Variants in CPAP observed in about 807,000 individuals in gnomAD.
The protein encoded by CPAP is centrosome assembly and centriole elongation protein, also known as centrosomal P4.1-associated protein.
At chr13:24,917,142 CG>C in the CPAP span, among the ~76,000 whole-genome samples, 1 of 151,900 alleles carries the variant, frequency 6.6e-6, no homozygotes, top group African/African-American at 2.4e-5. Context: ...CCCAGCTACT[CG>C]GGGAGGCTGA....
At chr13:24,907,342 C>T in the CPAP span, 1 of 667,208 alleles carries the variant, frequency 1.5e-6, no homozygotes, top group South Asian at 1.7e-5. Flanking sequence ...ACAAAAGCCA[C>T]AATCCCTCTC....
At chr13:24,885,748 G>A in the CPAP span, 4 of 1,008,168 alleles carry the variant, frequency 4.0e-6, no homozygotes, top group Admixed American at 3.5e-5. Context: ...CATTTCCTTA[G>A]TTCATATCCT....
At chr13:24,911,974 G>A in the CPAP span, 2 of 1,614,108 alleles carry the variant, frequency 1.2e-6, no homozygotes, top group Non-Finnish European at 8.5e-7. Flanking sequence ...CAGACACCAT[G>A]GTGAGCAGCT....
the CPAP span, chr13:24,886,360 G>T: frequency 7.8e-7 from 1 of 1,289,224 alleles, no homozygotes; most frequent in Non-Finnish European, 1.0e-6. Flanking sequence ...ACAAGCTGCT[G>T]GGCGTGTGAG....
the CPAP span, among the ~76,000 whole-genome samples, chr13:24,923,245 T>TA: frequency 5.0e-5 from 3 of 60,510 alleles, no homozygotes; most frequent in Admixed American, 1.3e-4. Context: ...TTGGGTTTTG[T>TA]TTTTTTTTTT....
chr13:24,882,684 A>C, the CPAP span: 2 of 157,184 alleles, frequency 1.3e-5, no homozygotes, highest in East Asian at 3.7e-4. Flanking sequence ...GTAACTTCCC[A>C]TTCTGTTATA....
chr13:24,897,156 C>T, the CPAP span, among the ~76,000 whole-genome samples: 1 of 152,244 alleles, frequency 6.6e-6, no homozygotes, highest in African/African-American at 2.4e-5. Context: ...GCAGGAGAAT[C>T]GCTTGAATCT....
the CPAP span, chr13:24,882,911 C>A: frequency 2.2e-6 from 1 of 450,352 alleles, no homozygotes; most frequent in South Asian, 2.3e-5. Context: ...ATAAACACAC[C>A]CACTTACTGT....
chr13:24,913,663 A>C, the CPAP span, among the ~76,000 whole-genome samples: 3 of 152,300 alleles, frequency 2.0e-5, no homozygotes, highest in South Asian at 4.1e-4. Context: ...CACTCATCTC[A>C]TTATTAGTGG....
At chr13:24,906,463 T>G in the CPAP span, 1 of 1,614,224 alleles carries the variant, frequency 6.2e-7, no homozygotes, top group Non-Finnish European at 8.5e-7. Flanking sequence ...AAAGAGGAAG[T>G]CTGTCTTTAC....
At chr13:24,885,345 T>G in the CPAP span, 1 of 1,614,054 alleles carries the variant, frequency 6.2e-7, no homozygotes, top group Non-Finnish European at 8.5e-7. Flanking sequence ...ATTCAGGATC[T>G]GGGAAGTTCA....
the CPAP span, chr13:24,884,143 G>T: frequency 6.2e-7 from 1 of 1,613,210 alleles, no homozygotes; most frequent in Admixed American, 1.7e-5. Context: ...TTAATGAGAG[G>T]GTGGAGCAAG....
the CPAP span, among the ~76,000 whole-genome samples, chr13:24,911,222 T>C: frequency 6.6e-6 from 1 of 152,188 alleles, no homozygotes; most frequent in Non-Finnish European, 1.5e-5. Flanking sequence ...TGACATGAAA[T>C]TGCTTTGTCA....
At chr13:24,886,200 C>T in the CPAP span, 2 of 705,618 alleles carry the variant, frequency 2.8e-6, no homozygotes, top group Non-Finnish European at 4.4e-6. Context: ...TATTTTCATC[C>T]TATGTGCCAA....
chr13:24,883,663 A>T, the CPAP span, among the ~76,000 whole-genome samples: 2 of 152,194 alleles, frequency 1.3e-5, no homozygotes, highest in African/African-American at 4.8e-5. Context: ...TTCTTTCACT[A>T]ATTTAAAAAC....
At chr13:24,918,876 C>A in the CPAP span, among the ~76,000 whole-genome samples, 1 of 151,948 alleles carries the variant, frequency 6.6e-6, no homozygotes, top group African/African-American at 2.4e-5. Flanking sequence ...ATAAGCGAAC[C>A]CACAAAGTTG....
At chr13:24,920,614 G>A in the CPAP span, among the ~76,000 whole-genome samples, 3 of 142,792 alleles carry the variant, frequency 2.1e-5, no homozygotes, top group African/African-American at 7.8e-5. Flanking sequence ...AGACAAATAT[G>A]ATTCCTTTTT....
the CPAP span, chr13:24,933,261 G>A: frequency 2.1e-5 from 16 of 745,540 alleles, no homozygotes; most frequent in Non-Finnish European, 3.3e-5. Context: ...AAGCTCATCA[G>A]GAGAGACTGT....
chr13:24,892,939 G>C, the CPAP span: 1 of 1,084,964 alleles, frequency 9.2e-7, no homozygotes, highest in Non-Finnish European at 1.4e-6. Context: ...GAAGAATAGA[G>C]ACCCAGCAAT....
Sources: allele counts gnomAD v4.1 joint callset (sites outside exome capture counted in the v4.1 genomes callset), GRCh38; gene constraint gnomAD v4.1.1; transcripts MANE v1.5; gene names NCBI Gene and HGNC (gene_info 2026-07-23, HGNC 2026-07-21).